FAHD2B: variants seen among roughly 807,000 people sequenced by gnomAD.
FAHD2B encodes fumarylacetoacetate hydrolase domain containing 2B.
In FAHD2B, 26 loss-of-function variants were observed where a neutral mutation model predicts 33.7. The ratio of observed to expected loss-of-function variants is 0.77; its 90% CI spans 0.57 to 1.07. The LOEUF (loss-of-function observed/expected upper bound fraction) is 1.07. Ranked by LOEUF, FAHD2B falls within the 50% of genes least tolerant of loss-of-function variation. The probability of loss-of-function intolerance (pLI) is 0.00; values close to 1 mark genes in which losing one functional copy is unlikely to be tolerated. For missense variants in FAHD2B, 272 were observed against 388.1 expected, an observed-to-expected ratio of 0.70 and a Z score of 2.51; for synonymous variants, 108 against 150.9, an observed-to-expected ratio of 0.72 and a Z score of 2.08.
chr2:97,083,458 C>G (rs1007556438), downstream of FAHD2B: 1 of 1,255,624 alleles, frequency 8.0e-7, no homozygotes, highest in Non-Finnish European at 1.1e-6. Context: ...TTGTCTTTTC[C>G]CCAGCCCAGC....
Position 97,085,758 on chromosome 2 carries a change from T to C in FAHD2B, c.626A>G (p.Lys209Arg). The C allele has an allele frequency of 1.9e-6, 3 of 1,613,784 alleles. No individual in the cohort carries two copies. The highest frequency in any genetic ancestry group is 2.5e-6 in the Non-Finnish European group (3 of 1,179,850). Residue 209 changes from lysine to arginine, a missense_variant, in exon 6 of 9, where the codon AAA (lysine) becomes AGA (arginine). By Grantham distance (26) the Lys-to-Arg change is conservative. Transcript: ENST00000414820. ...CAGAGGGCAGAAGGTGTCGAAGGTT[T>C]TTCCCAGCAGCCACTGTTTCCCATT... ...RRNGKQWLLGKTFDTFCPLGP... is the reference protein window; with the variant it reads ...RRNGKQWLLGRTFDTFCPLGP...
chr2:97,089,335 A>G (rs2032187400), intron 4 of FAHD2B, among the ~76,000 whole-genome samples: 1 of 151,430 alleles, frequency 6.6e-6, no homozygotes, highest in Admixed American at 6.6e-5. Context: ...CCTGGCCAAC[A>G]TGGTAAAACC....
rs914748122 is a variant in FAHD2B at position 97,091,652 on chromosome 2, A to G, written c.55T>C (p.Trp19Arg). 3 of 1,613,586 alleles carry G rather than the reference A, an allele frequency of 1.9e-6. No individual in the cohort carries two copies. The African/African-American group carries it at 4.0e-5, about 22-fold the overall frequency. ...ATGTCTCTGGAGGGTTGAAAGGGCC[A>G]CTTCTGAGCCTGCAGCAGAGCTGTG... ...LLTALLQAQK[W>R]PFQPSRDMRL... The change falls in exon 3 of 9, where the codon TGG becomes CGG. Residue 19 changes from tryptophan (W) to arginine (R), a missense_variant. Transcript: ENST00000414820.
downstream of FAHD2B, chr2:97,081,026 T>A (rs2031623797): frequency 5.2e-6 from 7 of 1,359,018 alleles, no homozygotes; most frequent in Non-Finnish European, 6.7e-6. Flanking sequence ...CCAGCACTTC[T>A]GGAGGCCGAG....
chr2:97,082,467 G>C, downstream of FAHD2B: 1 of 1,613,290 alleles, frequency 6.2e-7, no homozygotes, highest in Non-Finnish European at 8.5e-7. Context: ...GATCTTCGGT[G>C]AGTCTCAACC....
chr2:97,085,474 A>G (rs2031913681), intron 6 of FAHD2B, among the ~76,000 whole-genome samples: 1 of 151,936 alleles, frequency 6.6e-6, no homozygotes, highest in Admixed American at 6.6e-5. Flanking sequence ...TACTTCACGC[A>G]TGCAGTTTCA....
At chr2:97,082,660 C>G, downstream of FAHD2B, 1 of 1,558,122 alleles carries the variant, frequency 6.4e-7, no homozygotes, top group Admixed American at 1.7e-5. Context: ...CAGTGGCTCC[C>G]TGTCCTCCCT....
chr2:97,091,449 C>G lies in FAHD2B; in HGVS notation c.245+13G>C. 1 of 1,588,510 alleles carries G rather than the reference C, an allele frequency of 6.3e-7. No homozygotes were observed. The highest frequency in any genetic ancestry group is 8.6e-7 in the Non-Finnish European group (1 of 1,167,162). ...GGGCAGCTGCTTCAGGGCGATGCTG[C>G]CCACTTACTTACCTTCTTGCCACTG... On this transcript the variant is annotated intron_variant, in intron 3 of 8. Coordinates refer to ENST00000414820, the MANE Select transcript of FAHD2B (RefSeq NM_001320848.2).
In FAHD2B at chr2:97,086,175, C is replaced by T. The variant is rs143083320; in HGVS notation, c.486G>A (p.Leu162=). The T allele has an allele frequency of 1.9e-6, 3 of 1,612,660 alleles. No individual in the cohort carries two copies. Among genetic ancestry groups the T allele is most frequent in the Non-Finnish European group, 2.5e-6 (3 of 1,179,560 alleles). ...QSQEVDWEVE[L]AVVIGKKGKH... ...TGCCTTTCTTTCCAATGACCACGGC[C>T]AGCTCCACTTCCCAATCTACCTCCT... Residue 162 remains leucine (L), a synonymous_variant, in exon 5 of 9, where the codon CTG becomes CTA. Transcript: ENST00000414820.
chr2:97,084,911 A>C (rs63456060), intron 6 of FAHD2B, among the ~76,000 whole-genome samples: 2 of 83,616 alleles, frequency 2.4e-5, no homozygotes, highest in African/African-American at 1.7e-4. Flanking sequence ...AGACCATGCC[A>C]AAAAAAAAAA....
downstream of FAHD2B, among the ~76,000 whole-genome samples, chr2:97,079,144 TACC>T (rs2031568371): frequency 6.6e-6 from 1 of 152,182 alleles, no homozygotes; most frequent in Non-Finnish European, 1.5e-5. Flanking sequence ...GGTGTATATA[TACC>T]ACATTTTCTT....
chr2:97,086,197 T>C lies in FAHD2B; in HGVS notation c.464A>G (p.Glu155Gly), dbSNP rs1314681887. 6.2e-7 allele frequency: 1 copy of C among 1,611,258 alleles called. No homozygotes were observed. The highest frequency in any genetic ancestry group is 1.7e-5 in the Admixed American group (1 of 59,494). ...GGCCAGCTCCACTTCCCAATCTACC[T>C]CCTGTAGGGTGGGAGAGGAATAGTG... The part of the protein sequence containing the change: ...DEVVLPPQSQ[E>G]VDWEVELAVV... The change falls in exon 5 of 9, where the codon GAG (glutamate) becomes GGG (glycine). Residue 155 changes from glutamate (E) to glycine (G), a missense_variant and splice_region_variant. Glu to Gly is a moderately conservative substitution (Grantham distance 98, BLOSUM62 -2). Transcript: ENST00000414820.
At chr2:97,087,360 TC>T (rs1331655376) in intron 4 of FAHD2B, among the ~76,000 whole-genome samples, 4 of 152,210 alleles carry the variant, frequency 2.6e-5, no homozygotes, top group African/African-American at 7.2e-5. Flanking sequence ...CAGGCTTTTT[TC>T]ATAGAAGAAT....
chr2:97,092,137 G>A (rs1053165131), intron 1 of FAHD2B, 149 bp from the exon 2 acceptor site: 2 of 159,332 alleles, frequency 1.3e-5, no homozygotes, highest in Admixed American at 6.2e-5. Flanking sequence ...CTAGTTTCTG[G>A]AGGAAGTGAT....
chr2:97,093,960 T>C (rs2032512057), intron 1 of FAHD2B, among the ~76,000 whole-genome samples: 1 of 152,086 alleles, frequency 6.6e-6, no homozygotes, highest in Non-Finnish European at 1.5e-5. Context: ...AAGCCTGTAA[T>C]GCAAGCAAGA....
In FAHD2B at chr2:97,091,626, C is replaced by T. The variant is rs956224847; in HGVS notation, c.81G>A (p.Met27Ile). 1.2e-6 allele frequency: 2 copies of T among 1,613,972 alleles called. No homozygotes were observed. Among genetic ancestry groups the T allele is most frequent in the Non-Finnish European group, 8.5e-7 (1 of 1,180,016 alleles). The change falls in exon 3 of 9, where the codon ATG becomes ATA. Residue 27 changes from methionine (M) to isoleucine (I), a missense_variant. Met to Ile is a conservative substitution (Grantham distance 10, BLOSUM62 1). Coordinates refer to ENST00000414820, the MANE Select transcript of FAHD2B (RefSeq NM_001320848.2). ...QKWPFQPSRDMRLVQFRAPHL... is the reference protein window; with the variant it reads ...QKWPFQPSRDIRLVQFRAPHL... ...GGGGTGCCCGGAACTGCACTAGTCT[C>T]ATGTCTCTGGAGGGTTGAAAGGGCC...
downstream of FAHD2B, chr2:97,081,226 C>A: frequency 6.7e-7 from 1 of 1,486,598 alleles, no homozygotes; most frequent in Non-Finnish European, 9.0e-7. Context: ...GCACCTGCTG[C>A]CGCAAGACCT....
At chr2:97,081,624 T>G, downstream of FAHD2B, 1 of 1,471,862 alleles carries the variant, frequency 6.8e-7, no homozygotes, top group Non-Finnish European at 9.0e-7. Context: ...GTGTGTGCTG[T>G]GGGGGTGGGC....
At chr2:97,087,224 TG>T (rs2032047230) in intron 4 of FAHD2B, among the ~76,000 whole-genome samples, 1 of 151,918 alleles carries the variant, frequency 6.6e-6, no homozygotes, top group African/African-American at 2.4e-5. Context: ...GCTAATTTTT[TG>T]TATTTTTAGT....
Sources: allele counts gnomAD v4.1 joint callset (sites outside exome capture counted in the v4.1 genomes callset), GRCh38; gene constraint gnomAD v4.1.1; transcripts MANE v1.5; gene names NCBI Gene and HGNC (gene_info 2026-07-23, HGNC 2026-07-21).